PAWR: variants seen among roughly 807,000 people sequenced by gnomAD.
PAWR encodes pro-apoptotic WT1 regulator, also known as PRKC apoptosis WT1 regulator protein.
A neutral mutation model predicts 32.0 loss-of-function variants in PAWR; 23 were observed. The observed-to-expected ratio is 0.72, with a 90% CI of 0.52 to 1.02. PAWR has a LOEUF of 1.02. Among genes scored for constraint, PAWR ranks in the 50% least tolerant of loss-of-function variants. The pLI, the probability that PAWR is intolerant of heterozygous loss-of-function variation, is 0.00. For missense variants in PAWR, 457 were observed against 437.7 expected, an observed-to-expected ratio of 1.04 and a Z score of -0.39; for synonymous variants, 226 against 187.1, an observed-to-expected ratio of 1.21 and a Z score of -1.70.
At chr12:79,663,312 T>C (rs1455976377) in intron 2 of PAWR, among the ~76,000 whole-genome samples, 2 of 152,306 alleles carry the variant, frequency 1.3e-5, no homozygotes, top group Non-Finnish European at 2.9e-5. Context: ...TTCAGGACTA[T>C]TTCTTTATCT....
rs569734953 is a variant in PAWR, at chr12:79,637,206, T to C, written c.517-15999A>G. Among the ~76,000 whole-genome samples, 4 of 152,230 alleles carry C rather than the reference T, an allele frequency of 2.6e-5. No individual in the cohort carries two copies. The South Asian group carries it at 6.2e-4, about 24-fold the overall frequency. On this transcript the variant is annotated intron_variant, in intron 2 of 6. Coordinates refer to ENST00000328827, the MANE Select transcript of PAWR (RefSeq NM_002583.4). ...AAGGGGGATGGGCAGGGCAGTCTAT[T>C]TGGGATCACACAATTACAAACCATG...
chr12:79,608,424 C>T (rs1010448600), intron 4 of PAWR, among the ~76,000 whole-genome samples: 10 of 152,088 alleles, frequency 6.6e-5, no homozygotes, highest in African/African-American at 2.2e-4. Flanking sequence ...ATAGGGTTCG[C>T]GCGCTCCTAT....
At chr12:79,637,334 T>C (rs1470270059) in intron 2 of PAWR, among the ~76,000 whole-genome samples, 2 of 152,148 alleles carry the variant, frequency 1.3e-5, no homozygotes, top group Non-Finnish European at 2.9e-5. Context: ...AGGGAGACCA[T>C]GTCAATCCTA....
chr12:79,600,316 T>A (rs1873910192), intron 4 of PAWR, among the ~76,000 whole-genome samples: 1 of 152,120 alleles, frequency 6.6e-6, no homozygotes, highest in Non-Finnish European at 1.5e-5. Flanking sequence ...TAATACAAAT[T>A]TTGCTTCCAG....
In PAWR at chr12:79,589,956, A is replaced by G. The variant is rs1185142248; in HGVS notation, c.*2651T>C. 1 of 152,038 alleles carries G rather than the reference A, an allele frequency of 6.6e-6. No individual in the cohort carries two copies. 9.4% of individuals were successfully genotyped at this position (152,038 alleles called of 1,614,324 possible). A position where few individuals can be genotyped will look rare whatever the true frequency, so the allele number is the denominator to read the frequency against. On this transcript the variant is annotated 3_prime_UTR_variant, in exon 7 of 7. Coordinates refer to ENST00000328827, the MANE Select transcript of PAWR (RefSeq NM_002583.4). ...AAAACTACCTTCTACCAATCTCAAC[A>G]CTTTTTATAAATTTTCAGGTGAAAC...
In PAWR at chr12:79,589,180, A is replaced by C. The variant is rs1873474373; in HGVS notation, c.*3427T>G. 1.3e-5 allele frequency: 2 copies of C among 151,798 alleles called. No homozygotes were observed. The highest frequency in any genetic ancestry group is 4.2e-4 in the South Asian group (2 of 4,818). 9.4% of individuals were successfully genotyped at this position (151,798 alleles called of 1,614,324 possible). A position where few individuals can be genotyped will look rare whatever the true frequency, so the allele number is the denominator to read the frequency against. On this transcript the variant is annotated 3_prime_UTR_variant, in exon 7 of 7. Coordinates refer to ENST00000328827, the MANE Select transcript of PAWR (RefSeq NM_002583.4). ...CTATACACATATGCACAAAAAAAAA[A>C]CTCCAAAGAAAGATACCTATCACTG...
chr12:79,585,416 AAC>A lies in PAWR; in HGVS notation c.*7189_*7190del. The stretch of plus-strand genomic sequence containing the variant: ...TGAAGTCAATGCTACTGGTGTCAGA[AAC>A]ACACTTTAAGAACCACTGGCAAAAC... On this transcript the variant is annotated 3_prime_UTR_variant, in exon 7 of 7. Coordinates refer to ENST00000328827, the MANE Select transcript of PAWR (RefSeq NM_002583.4). The A allele has an allele frequency of 4.9e-6, 1 of 202,376 alleles. No individual in the cohort carries two copies. Among genetic ancestry groups the A allele is most frequent in the East Asian group, 1.5e-4 (1 of 6,678 alleles). The allele number at this position is 202,376 out of a possible 1,614,324, so 12.5% of individuals were successfully genotyped here.
At chr12:79,649,395 T>C (rs1199640534) in intron 2 of PAWR, among the ~76,000 whole-genome samples, 1 of 152,110 alleles carries the variant, frequency 6.6e-6, no homozygotes. Flanking sequence ...TACAAAAACA[T>C]ATATGTCAAG....
intron 4 of PAWR, among the ~76,000 whole-genome samples, chr12:79,606,058 A>C (rs2136687222): frequency 6.6e-6 from 1 of 152,282 alleles, no homozygotes; most frequent in East Asian, 1.9e-4. Flanking sequence ...TGGGCAACAG[A>C]GTGAGACTCT....
At position 79,690,137 on chromosome 12, in the gene PAWR, G is replaced by A; in HGVS notation, c.108C>T (p.Pro36=). Residue 36 remains proline (P), a synonymous_variant, in exon 2 of 7, where the codon CCC becomes CCT. Coordinates refer to ENST00000328827, the MANE Select transcript of PAWR (RefSeq NM_002583.4). ...CCCCTCCCGGGGGGGCCGGGCCCGG[G>A]GGGTTCTGCTTGGCGCGCATCTTCT... ...KREKMRAKQN[P]PGPAPPGGGS... 1 of 1,518,636 alleles carries A rather than the reference G, an allele frequency of 6.6e-7. No individual in the cohort carries two copies. 94.1% of individuals were successfully genotyped at this position (1,518,636 alleles called of 1,614,324 possible).
intron 2 of PAWR, among the ~76,000 whole-genome samples, chr12:79,670,166 T>TC (rs1006608833): frequency 2.0e-5 from 3 of 152,132 alleles, no homozygotes; most frequent in African/African-American, 4.8e-5. Flanking sequence ...CTATTGTTTT[T>TC]CCCCCATTTT....
Position 79,690,161 on chromosome 12 carries a change from C to T in PAWR, c.84G>A (p.Glu28=), listed in dbSNP as rs1210701962. 2 of 1,528,420 alleles carry T rather than the reference C, an allele frequency of 1.3e-6. No homozygotes were observed. Among genetic ancestry groups the T allele is most frequent in the Non-Finnish European group, 1.8e-6 (2 of 1,140,996 alleles). The allele number at this position is 1,528,420 out of a possible 1,614,324, so 94.7% of individuals were successfully genotyped here. A position where few individuals can be genotyped will look rare whatever the true frequency, so the allele number is the denominator to read the frequency against. ...GGGGGTTCTGCTTGGCGCGCATCTTCTCGCGTTTCGCCTTCCACTCCTCCA... is the reference window on the plus strand; with the variant it reads ...GGGGGTTCTGCTTGGCGCGCATCTTTTCGCGTTTCGCCTTCCACTCCTCCA... ...DFLEEWKAKR[E]KMRAKQNPPG... is the part of the protein sequence containing the mutation. Residue 28 remains glutamate (E), a synonymous_variant, in exon 2 of 7, where the codon GAG becomes GAA. Transcript: ENST00000328827.
chr12:79,628,757 T>C (rs1239082490), intron 2 of PAWR, among the ~76,000 whole-genome samples: 2 of 152,146 alleles, frequency 1.3e-5, no homozygotes, highest in African/African-American at 4.8e-5. Flanking sequence ...GAAACTGTTA[T>C]TTCTTATTTT....
Position 79,592,385 on chromosome 12 carries a change from A to G in PAWR, c.*222T>C. The G allele has an allele frequency of 4.6e-6, 2 of 431,832 alleles. No individual in the cohort carries two copies. Among genetic ancestry groups the G allele is most frequent in the Non-Finnish European group, 8.1e-6 (2 of 247,002 alleles). The allele number at this position is 431,832 out of a possible 1,614,324, so 26.8% of individuals were successfully genotyped here. A position where few individuals can be genotyped will look rare whatever the true frequency, so the allele number is the denominator to read the frequency against. On this transcript the variant is annotated 3_prime_UTR_variant, in exon 7 of 7. Coordinates refer to ENST00000328827, the MANE Select transcript of PAWR (RefSeq NM_002583.4). Reference sequence around the variant, plus strand: ...CCAAAAAGGCATTATCTATCATTTAATAACTGAAAGATATTACTTATTTGT... The same window carrying G: ...CCAAAAAGGCATTATCTATCATTTAGTAACTGAAAGATATTACTTATTTGT...
In PAWR at chr12:79,586,790, G is replaced by A. The variant is rs971797861; in HGVS notation, c.*5817C>T. 8 of 152,142 alleles carry A rather than the reference G, an allele frequency of 5.3e-5. No homozygotes were observed. The allele number at this position is 152,142 out of a possible 1,614,324, so 9.4% of individuals were successfully genotyped here. On this transcript the variant is annotated 3_prime_UTR_variant, in exon 7 of 7. Transcript: ENST00000328827. ...TCATAACAGATTTTTGAAAGTGACA[G>A]TAAAATTATGCATTTGGTCCAGGAT...
intron 2 of PAWR, among the ~76,000 whole-genome samples, chr12:79,648,356 C>T (rs1451121963): frequency 6.6e-6 from 1 of 151,996 alleles, no homozygotes; most frequent in Non-Finnish European, 1.5e-5. Context: ...AATTACATTG[C>T]TGGTTCGGTA....
chr12:79,687,591 C>A (rs1878745500), intron 2 of PAWR, among the ~76,000 whole-genome samples: 1 of 151,932 alleles, frequency 6.6e-6, no homozygotes, highest in Non-Finnish European at 1.5e-5. Flanking sequence ...TATTTTCATA[C>A]CCGAAAAATT....
At chr12:79,593,892 C>A (rs113968256) in intron 6 of PAWR, among the ~76,000 whole-genome samples, 1 of 151,082 alleles carries the variant, frequency 6.6e-6, no homozygotes, top group Non-Finnish European at 1.5e-5. Context: ...TTAGTAGAGT[C>A]GGGGTTTTAC....
intron 2 of PAWR, among the ~76,000 whole-genome samples, chr12:79,688,835 T>C (rs1012634553): frequency 1.3e-5 from 2 of 152,230 alleles, no homozygotes; most frequent in Non-Finnish European, 2.9e-5. Flanking sequence ...AACAAGGTAG[T>C]TGAACCACTT....
Sources: gnomAD v4.1 joint callset for allele counts (sites outside exome capture counted in the v4.1 genomes callset) on GRCh38, gnomAD v4.1.1 for gene constraint, MANE v1.5 for transcripts, NCBI Gene and HGNC (gene_info 2026-07-23, HGNC 2026-07-21) for gene names.